The following CLSTN2 variants were observed in gnomAD, a reference collection of about 807,000 sequenced individuals.
CLSTN2 encodes calsyntenin-2.
A neutral mutation model predicts 101.2 loss-of-function variants in CLSTN2; 48 were observed. That is an observed-to-expected ratio of 0.47 (90% CI 0.38 to 0.60). The LOEUF is 0.60. CLSTN2 is among the 20% of genes least tolerant of loss of function. The probability of loss-of-function intolerance (pLI) is 0.00; values close to 1 mark genes in which losing one functional copy is unlikely to be tolerated. For synonymous variants in CLSTN2, 481 were observed against 463.6 expected (o/e 1.04, Z -0.48); for missense variants, 1,160 against 1,238.2 (o/e 0.94, Z 0.95).
chr3:139,962,868 C>T (rs1057024474), intron 1 of CLSTN2, among the ~76,000 whole-genome samples: 14 of 152,198 alleles, frequency 9.2e-5, no homozygotes, highest in African/African-American at 3.4e-4. Context: ...ATGTACAAGT[C>T]TCCTGTGAAC....
intron 5 of CLSTN2, among the ~76,000 whole-genome samples, chr3:140,445,168 G>A (rs1933048670): frequency 6.6e-6 from 1 of 152,184 alleles, no homozygotes; most frequent in Non-Finnish European, 1.5e-5. Flanking sequence ...CTCCCTGGCG[G>A]CCAGAGAGGG....
intron 1 of CLSTN2, among the ~76,000 whole-genome samples, chr3:140,049,585 A>G (rs943141543): frequency 1.3e-5 from 2 of 152,162 alleles, no homozygotes; most frequent in Non-Finnish European, 2.9e-5. Context: ...GGGGTTGTCC[A>G]TAGACACCTT....
At chr3:140,444,427 T>C (rs2108006121) in intron 5 of CLSTN2, among the ~76,000 whole-genome samples, 1 of 103,228 alleles carries the variant, frequency 9.7e-6, no homozygotes, top group South Asian at 4.6e-4. Context: ...CAAAACTCCG[T>C]CTCAAAAAAA....
chr3:140,006,722 T>C (rs1333837461), intron 1 of CLSTN2, among the ~76,000 whole-genome samples: 3 of 152,166 alleles, frequency 2.0e-5, no homozygotes, highest in Non-Finnish European at 4.4e-5. Context: ...ATTTGTCAAA[T>C]TAAAACATTC....
intron 11 of CLSTN2, 129 bp downstream of exon 11, chr3:140,556,790 T>G (rs1935805418): frequency 3.6e-6 from 3 of 838,130 alleles, no homozygotes; most frequent in South Asian, 3.5e-5. Flanking sequence ...ACTTCTGCTA[T>G]TCCTCTGAGG....
intron 1 of CLSTN2, among the ~76,000 whole-genome samples, chr3:139,976,183 G>T (rs557524328): frequency 6.6e-6 from 1 of 152,298 alleles, no homozygotes; most frequent in Non-Finnish European, 1.5e-5. Context: ...TATAGGAAGA[G>T]CCTGCTCTAC....
intron 2 of CLSTN2, among the ~76,000 whole-genome samples, chr3:140,279,073 T>C (rs1418740856): frequency 2.0e-5 from 3 of 152,190 alleles, no homozygotes; most frequent in Non-Finnish European, 4.4e-5. Context: ...TCTAGTACTA[T>C]ATATAAATAG....
In CLSTN2 at chr3:140,549,880, C is replaced by A. The variant is rs532176792; in HGVS notation, c.1674+3199C>A. ...GACAAGCCCATGTTTCTTGCTTTAC[C>A]TGTCTTCTTCTGAATCATGCATATT... is the stretch of plus-strand genomic sequence containing the variant. On this transcript the variant is annotated intron_variant, in intron 10 of 16. Transcript: ENST00000458420. Among the ~76,000 whole-genome samples the A allele has an allele frequency of 2.2e-3, 329 of 150,986 alleles. 9 individuals carry two copies. Among genetic ancestry groups the A allele is most frequent in the African/African-American group, 7.9e-3 (325 of 40,886 alleles).
intron 1 of CLSTN2, among the ~76,000 whole-genome samples, chr3:139,975,518 A>G (rs907177010): frequency 2.0e-5 from 3 of 152,218 alleles, no homozygotes; most frequent in African/African-American, 4.8e-5. Context: ...CAACTTAATC[A>G]GGACCGAGAG....
chr3:140,498,300 G>T (rs1462331227), intron 8 of CLSTN2, among the ~76,000 whole-genome samples: 1 of 152,190 alleles, frequency 6.6e-6, no homozygotes, highest in Non-Finnish European at 1.5e-5. Flanking sequence ...TACCTGAGTG[G>T]CAGGGGCATG....
intron 9 of CLSTN2, among the ~76,000 whole-genome samples, chr3:140,532,779 G>T (rs543988326): frequency 2.0e-5 from 3 of 152,236 alleles, no homozygotes; most frequent in African/African-American, 7.2e-5. Context: ...TTTCCAAACT[G>T]GGGCAATGCA....
At chr3:140,193,822 G>T (rs557283221) in intron 2 of CLSTN2, among the ~76,000 whole-genome samples, 1 of 151,990 alleles carries the variant, frequency 6.6e-6, no homozygotes, top group Admixed American at 6.6e-5. Context: ...TCTGTATTTT[G>T]TAAGTCTGTT....
chr3:140,376,387 A>G (rs2087917103), intron 2 of CLSTN2, among the ~76,000 whole-genome samples: 1 of 152,190 alleles, frequency 6.6e-6, no homozygotes, highest in South Asian at 2.1e-4. Flanking sequence ...GGTGATGGAG[A>G]CGGATGGAAT....
intron 2 of CLSTN2, among the ~76,000 whole-genome samples, chr3:140,240,305 T>TACACAC (rs1437222617): frequency 7.0e-6 from 1 of 143,346 alleles, no homozygotes; most frequent in African/African-American, 2.6e-5. Context: ...TATATATATA[T>TACACAC]ACACACACAC....
At chr3:140,145,153 G>T (rs1214510884) in intron 1 of CLSTN2, among the ~76,000 whole-genome samples, 1 of 152,210 alleles carries the variant, frequency 6.6e-6, no homozygotes, top group Non-Finnish European at 1.5e-5. Context: ...GACCTATGGT[G>T]TCACTGTGGT....
intron 2 of CLSTN2, among the ~76,000 whole-genome samples, chr3:140,184,966 G>A (rs549895665): frequency 7.3e-4 from 111 of 152,292 alleles, no homozygotes; most frequent in African/African-American, 2.4e-3. Context: ...GAGGCACATA[G>A]CTACCACTGG....
chr3:139,989,737 AC>A (rs1936086899), intron 1 of CLSTN2, among the ~76,000 whole-genome samples: 1 of 152,116 alleles, frequency 6.6e-6, no homozygotes, highest in Admixed American at 6.5e-5. Context: ...ACCTGCCACC[AC>A]CCTTGGCAAA....
chr3:140,186,575 C>T (rs186493589), intron 2 of CLSTN2, among the ~76,000 whole-genome samples: 1 of 152,224 alleles, frequency 6.6e-6, no homozygotes, highest in African/African-American at 2.4e-5. Context: ...TTGTAGCTGC[C>T]TGTAATCACA....
chr3:140,488,596 T>G (rs1426605775), intron 8 of CLSTN2, among the ~76,000 whole-genome samples: 2 of 149,812 alleles, frequency 1.3e-5, no homozygotes, highest in Non-Finnish European at 2.9e-5. Flanking sequence ...AAACTGTAGA[T>G]GAAGTAACCA....
Sources: allele counts gnomAD v4.1 joint callset (sites outside exome capture counted in the v4.1 genomes callset), GRCh38; gene constraint gnomAD v4.1.1; transcripts MANE v1.5; gene names NCBI Gene and HGNC (gene_info 2026-07-23, HGNC 2026-07-21).